PDIA4: variants seen among roughly 807,000 people sequenced by gnomAD.
PDIA4 encodes the protein protein disulfide isomerase family A member 4.
PDIA4 carries 33 observed loss-of-function variants against 62.1 expected under a neutral mutation model. That is an observed-to-expected ratio of 0.53 (90% CI 0.40 to 0.71). The LOEUF is 0.71. Among genes scored for constraint, PDIA4 ranks in the 30% least tolerant of loss-of-function variants. PDIA4 has a pLI of 0.00. For synonymous variants in PDIA4, 341 were observed against 324.1 expected, an observed-to-expected ratio of 1.05 and a Z score of -0.56; for missense variants, 804 against 813.6, an observed-to-expected ratio of 0.99 and a Z score of 0.14.
chr7:149,027,151 A>T (rs1824586343), intron 1 of PDIA4, among the ~76,000 whole-genome samples: 1 of 152,216 alleles, frequency 6.6e-6, no homozygotes, highest in Non-Finnish European at 1.5e-5. Context: ...CTTAAAACGC[A>T]GATTCCGGGG....
At chr7:149,022,949 GA>G (rs777784521) in intron 1 of PDIA4, among the ~76,000 whole-genome samples, 9 of 152,226 alleles carry the variant, frequency 5.9e-5, no homozygotes, top group Non-Finnish European at 1.3e-4. Flanking sequence ...AGCTTTTCCT[GA>G]CTTGCACATT....
chr7:149,013,943 G>A (rs886092636), intron 4 of PDIA4, among the ~76,000 whole-genome samples: 2 of 152,148 alleles, frequency 1.3e-5, no homozygotes, highest in Non-Finnish European at 2.9e-5. Context: ...CATCAGGCCA[G>A]GGCCCCATGC....
Position 149,020,942 on chromosome 7 carries a change from G to A in PDIA4, c.269+25C>T, listed in dbSNP as rs775077841. On this transcript the variant is annotated intron_variant, in intron 2 of 9. Coordinates refer to ENST00000652332, the MANE Select transcript of PDIA4 (RefSeq NM_004911.5). ...AATGGAGCACAGCGCTTGTCCACCT[G>A]CAGAAATTAGAACGCGGTCCTTACC... is the stretch of plus-strand genomic sequence containing the variant. 4 of 1,610,566 alleles carry A rather than the reference G, an allele frequency of 2.5e-6. No individual in the cohort carries two copies. In the Admixed American group the frequency reaches 5.0e-5, roughly 20 times the overall value.
At chr7:149,004,354 T>A in intron 9 of PDIA4, 145 bp from the exon 10 acceptor site, 1 of 747,894 alleles carries the variant, frequency 1.3e-6, no homozygotes, top group Non-Finnish European at 2.2e-6. Flanking sequence ...TAGAAAGTAG[T>A]AGCTGCTACT....
chr7:149,025,965 C>T (rs1270810108), intron 1 of PDIA4, among the ~76,000 whole-genome samples: 1 of 152,098 alleles, frequency 6.6e-6, no homozygotes, highest in African/African-American at 2.4e-5. Context: ...ACGGAAAGCC[C>T]TGCAACCGGA....
intron 1 of PDIA4, among the ~76,000 whole-genome samples, chr7:149,024,680 G>A (rs1824476700): frequency 1.3e-5 from 2 of 151,664 alleles, no homozygotes; most frequent in Admixed American, 6.6e-5. Flanking sequence ...GCCAGGCATG[G>A]TGGCACACAC....
intron 1 of PDIA4, among the ~76,000 whole-genome samples, chr7:149,022,696 C>A (rs1420910059): frequency 1.3e-5 from 2 of 152,130 alleles, no homozygotes; most frequent in African/African-American, 4.8e-5. Flanking sequence ...GATGAAGGAA[C>A]CCCGCGTGGA....
chr7:149,012,434 A>G, intron 4 of PDIA4, 74 bp from the exon 5 acceptor site: 1 of 1,308,122 alleles, frequency 7.6e-7, no homozygotes, highest in Non-Finnish European at 1.1e-6. Context: ...GAGCTGCAGA[A>G]ACCCATCCTG....
In PDIA4 at chr7:149,008,270, G is replaced by C. The variant is rs577620347; in HGVS notation, c.1020C>G (p.Phe340Leu). 44 of 1,613,926 alleles carry C rather than the reference G, an allele frequency of 2.7e-5. No individual in the cohort carries two copies. Among genetic ancestry groups the C allele is most frequent in the African/African-American group, 4.0e-5 (3 of 75,040 alleles). ...LREDYKFHHT[F>L]STEIAKFLKV... ...TCAAGAACTTTGCTATTTCTGTGCT[G>C]AAAGTGTGGTGAAATTTGTAATCTT... Residue 340 changes from phenylalanine (F) to leucine (L), a missense_variant, in exon 7 of 10, where the codon TTC (phenylalanine) becomes TTG (leucine). Coordinates refer to ENST00000652332, the MANE Select transcript of PDIA4 (RefSeq NM_004911.5).
chr7:149,005,372 T>A lies in PDIA4; in HGVS notation c.1291A>T (p.Thr431Ser), dbSNP rs1823717039. Residue 431 changes from threonine (T) to serine (S), a missense_variant and splice_region_variant, in exon 9 of 10, where the codon ACT (threonine) becomes TCT (serine). Coordinates refer to ENST00000652332, the MANE Select transcript of PDIA4 (RefSeq NM_004911.5). ...VDFSFDYRAA[T>S]QFWRSKVLEV... ...AGGACTTTGCTCCGCCAAAACTGAG[T>A]TGCTGAAAGGGACCAAGGGCCATAA... 1 of 1,611,208 alleles carries A rather than the reference T, an allele frequency of 6.2e-7. No homozygotes were observed. The highest frequency in any genetic ancestry group is 2.2e-5 in the East Asian group (1 of 44,860).
intron 4 of PDIA4, among the ~76,000 whole-genome samples, chr7:149,013,704 C>A (rs1824028725): frequency 6.6e-6 from 1 of 152,046 alleles, no homozygotes; most frequent in Non-Finnish European, 1.5e-5. Context: ...ACAAAAAAAA[C>A]AAACAACCTC....
intron 7 of PDIA4, chr7:149,006,268 T>C (rs550300283): frequency 3.1e-4 from 157 of 501,414 alleles, no homozygotes; most frequent in African/African-American, 2.9e-3. Context: ...AGGTGGCTTC[T>C]TGGGAAAAGG....
intron 1 of PDIA4, 194 bp downstream of exon 1, chr7:149,028,127 T>C (rs1431838014): frequency 3.9e-5 from 23 of 592,698 alleles, no homozygotes; most frequent in Non-Finnish European, 6.6e-5. Flanking sequence ...GAACCCCAAA[T>C]CGATCCTGCC....
chr7:149,023,671 T>C (rs1824434829), intron 1 of PDIA4, among the ~76,000 whole-genome samples: 1 of 152,002 alleles, frequency 6.6e-6, no homozygotes, highest in Non-Finnish European at 1.5e-5. Flanking sequence ...AATCAACTCT[T>C]CCAGGTAGGA....
intron 1 of PDIA4, among the ~76,000 whole-genome samples, chr7:149,027,076 C>T (rs1221408361): frequency 2.0e-5 from 3 of 152,190 alleles, no homozygotes; most frequent in Non-Finnish European, 2.9e-5. Context: ...CATCTTCCAC[C>T]CACACTGGTC....
At chr7:149,015,780 C>G (rs886746873) in intron 3 of PDIA4, among the ~76,000 whole-genome samples, 1 of 152,254 alleles carries the variant, frequency 6.6e-6, no homozygotes, top group Non-Finnish European at 1.5e-5. Context: ...CAAACTGAAA[C>G]GTGCACAAGC....
chr7:149,003,539 TA>T lies in PDIA4; in HGVS notation c.*254del, dbSNP rs35572261. The T allele has an allele frequency of 3.4e-4, 119 of 354,030 alleles. No individual in the cohort carries two copies. Among genetic ancestry groups the T allele is most frequent in the East Asian group, 4.6e-4 (11 of 23,724 alleles). The allele number at this position is 354,030 out of a possible 1,614,324, so 21.9% of individuals were successfully genotyped here. A position where few individuals can be genotyped will look rare whatever the true frequency, so the allele number is the denominator to read the frequency against. The stretch of plus-strand genomic sequence containing the variant: ...TGAGAAATAAAGAAATTAGAAGGTG[TA>T]AAAAAAAATTTTTCAAACCCCAAAT... On this transcript the variant is annotated 3_prime_UTR_variant, in exon 10 of 10. Transcript: ENST00000652332.
At chr7:149,019,265 A>C in intron 2 of PDIA4, 68 bp from the exon 3 acceptor site, 4 of 1,092,988 alleles carry the variant, frequency 3.7e-6, no homozygotes, top group African/African-American at 1.5e-5. Context: ...CAACAATAAT[A>C]CATACCACTT....
rs564658538 is a variant in PDIA4 at position 149,017,537 on chromosome 7, T to C, written c.475+1455A>G. 2.0e-4 allele frequency among the ~76,000 whole-genome samples: 30 copies of C among 152,154 alleles called. 1 individual carries two copies. Among genetic ancestry groups the C allele is most frequent in the Admixed American group, 4.6e-4 (7 of 15,276 alleles). The stretch of plus-strand genomic sequence containing the variant: ...AGGTGGAGGTTGCGGTGAGCTGAGA[T>C]TGCGCCATCGTACTGCAGCCTGGGC... On this transcript the variant is annotated intron_variant, in intron 3 of 9. Coordinates refer to ENST00000652332, the MANE Select transcript of PDIA4 (RefSeq NM_004911.5).
Sources: allele counts gnomAD v4.1 joint callset (sites outside exome capture counted in the v4.1 genomes callset), GRCh38; gene constraint gnomAD v4.1.1; transcripts MANE v1.5; gene names NCBI Gene and HGNC (gene_info 2026-07-23, HGNC 2026-07-21).